The following PLCZ1 variants were observed in gnomAD, a reference collection of about 807,000 sequenced individuals.
PLCZ1 encodes 1-phosphatidylinositol 4,5-bisphosphate phosphodiesterase zeta-1.
Under a neutral mutation model 76.8 loss-of-function variants are expected in PLCZ1, and 64 were observed. The observed-to-expected ratio is 0.83, with a 90% CI of 0.68 to 1.03. PLCZ1 has a LOEUF of 1.03. Among genes scored for constraint, PLCZ1 ranks in the 50% least tolerant of loss-of-function variants. PLCZ1 has a pLI of 0.00. For synonymous variants in PLCZ1, 248 were observed against 230.8 expected (o/e 1.07, Z -0.68); for missense variants, 751 against 713.7 (o/e 1.05, Z -0.60).
Position 18,705,268 on chromosome 12 carries a change from A to G in PLCZ1, c.762T>C (p.Thr254=), listed in dbSNP as rs550433561. 1 of 1,614,126 alleles carries G rather than the reference A, an allele frequency of 6.2e-7. No homozygotes were observed. Among genetic ancestry groups the G allele is most frequent in the South Asian group, 1.1e-5 (1 of 91,082 alleles). ...TGTCTGCCATTACTTCTTGTTGGGC[A>G]GTGGAGCAGTGATTTTCTAAAGAGA... The part of the protein sequence containing the change: ...VVLSLENHCS[T]AQQEVMADNL... The change falls in exon 7 of 15, where the codon ACT becomes ACC. Residue 254 remains threonine, a synonymous_variant. Transcript: ENST00000266505.
In PLCZ1 at chr12:18,719,490, A is replaced by G. The variant is rs777243516; in HGVS notation, c.510T>C (p.His170=). ...ATTGATCAGATACCAAATATGTGTT[A>G]TGTGAAGATGAAATAAAATAATCAT... ...PLNDYFISSS[H]NTYLVSDQLL... The change falls in exon 5 of 15, where the codon CAT becomes CAC. Residue 170 remains histidine (H), a synonymous_variant. Coordinates refer to ENST00000266505, the MANE Select transcript of PLCZ1 (RefSeq NM_033123.4). 6.3e-7 allele frequency: 1 copy of G among 1,588,562 alleles called. No homozygotes were observed. The highest frequency in any genetic ancestry group is 1.2e-5 in the South Asian group (1 of 86,278).
At chr12:18,676,790 A>C in the PLCZ1 span, among the ~76,000 whole-genome samples, 4 of 152,256 alleles carry the variant, frequency 2.6e-5, no homozygotes, top group South Asian at 2.1e-4. Context: ...AAAAACTAGA[A>C]GGTCAGAAGG....
At chr12:18,656,729 T>A in the PLCZ1 span, among the ~76,000 whole-genome samples, 1 of 134,756 alleles carries the variant, frequency 7.4e-6, no homozygotes, top group Non-Finnish European at 1.6e-5. Context: ...AGCATGACCC[T>A]GTCTCAAACA....
At chr12:18,716,447 T>C (rs1286875611) in intron 5 of PLCZ1, among the ~76,000 whole-genome samples, 1 of 152,218 alleles carries the variant, frequency 6.6e-6, no homozygotes, top group African/African-American at 2.4e-5. Flanking sequence ...ACCACTTACA[T>C]GTGGAGGCAC....
At chr12:18,691,979 G>C (rs1954158963) in intron 12 of PLCZ1, among the ~76,000 whole-genome samples, 1 of 152,086 alleles carries the variant, frequency 6.6e-6, no homozygotes, top group African/African-American at 2.4e-5. Flanking sequence ...AGATAAAGTG[G>C]CTAGGTCCTG....
chr12:18,651,191 T>C, the PLCZ1 span, among the ~76,000 whole-genome samples: 1 of 152,036 alleles, frequency 6.6e-6, no homozygotes, highest in South Asian at 2.1e-4. Context: ...GCTTCATCCC[T>C]GGGATCTTTG....
the PLCZ1 span, among the ~76,000 whole-genome samples, chr12:18,658,676 C>T: frequency 0.13 from 19,061 of 151,796 alleles, 1,546 homozygotes; most frequent in East Asian, 0.32. Context: ...TATACATAAC[C>T]GACCTGTAAC....
chr12:18,659,318 A>G, the PLCZ1 span, among the ~76,000 whole-genome samples: 1 of 152,152 alleles, frequency 6.6e-6, no homozygotes, highest in African/African-American at 2.4e-5. Context: ...AAACAAAAGT[A>G]GTCAGACAAA....
At chr12:18,710,620 A>T (rs1483709046) in intron 6 of PLCZ1, among the ~76,000 whole-genome samples, 3 of 152,176 alleles carry the variant, frequency 2.0e-5, no homozygotes, top group African/African-American at 4.8e-5. Flanking sequence ...AAGCAAGAAT[A>T]TCAGAGAAGA....
rs188468327 is a variant in PLCZ1 at position 18,702,439 on chromosome 12, A to G, written c.865-663T>C. ...GGATAATTTCTTTAATTTAACAAGTACATTTAAGTACCGGCTCTGTTATAT... is the reference window on the plus strand; with the variant it reads ...GGATAATTTCTTTAATTTAACAAGTGCATTTAAGTACCGGCTCTGTTATAT... On this transcript the variant is annotated intron_variant, in intron 7 of 14. Coordinates refer to ENST00000266505, the MANE Select transcript of PLCZ1 (RefSeq NM_033123.4). Among the ~76,000 whole-genome samples, 6 of 152,310 alleles carry G rather than the reference A, an allele frequency of 3.9e-5. No individual in the cohort carries two copies. The East Asian group carries it at 9.6e-4, about 24-fold the overall frequency.
At chr12:18,665,779 C>CA in the PLCZ1 span, among the ~76,000 whole-genome samples, 1 of 151,738 alleles carries the variant, frequency 6.6e-6, no homozygotes, top group Non-Finnish European at 1.5e-5. Flanking sequence ...TAGTAAAATA[C>CA]AAAAAATTAG....
chr12:18,679,643 T>C (rs1032902544), downstream of PLCZ1, among the ~76,000 whole-genome samples: 20 of 151,976 alleles, frequency 1.3e-4, no homozygotes, highest in African/African-American at 4.3e-4. Context: ...AGGATTAAGA[T>C]TAATTTTTAT....
intron 12 of PLCZ1, among the ~76,000 whole-genome samples, chr12:18,690,381 G>A (rs1171420889): frequency 6.6e-6 from 1 of 151,976 alleles, no homozygotes; most frequent in Non-Finnish European, 1.5e-5. Context: ...ATGCCACCAT[G>A]CCCAGCTAAG....
chr12:18,717,873 G>A (rs948275099), intron 5 of PLCZ1, among the ~76,000 whole-genome samples: 2 of 152,160 alleles, frequency 1.3e-5, no homozygotes, highest in Non-Finnish European at 2.9e-5. Flanking sequence ...TACGCATTCA[G>A]TGGAAATCGC....
In PLCZ1 at chr12:18,688,233, A is replaced by G. The variant is rs1332050546; in HGVS notation, c.1462-15T>C. The G allele has an allele frequency of 6.3e-7, 1 of 1,596,214 alleles. No individual in the cohort carries two copies. The highest frequency in any genetic ancestry group is 8.5e-7 in the Non-Finnish European group (1 of 1,172,362). On this transcript the variant is annotated splice_polypyrimidine_tract_variant and intron_variant, in intron 12 of 14. Transcript: ENST00000266505. ...CCACTGATGAGCTGCACAAATATAT[A>G]TGAATATAAGAATTTAGCAAGATAT...
At chr12:18,708,234 GTTT>G (rs938253659) in intron 6 of PLCZ1, among the ~76,000 whole-genome samples, 1 of 151,760 alleles carries the variant, frequency 6.6e-6, no homozygotes. Flanking sequence ...ACATTTGAGA[GTTT>G]TTTTTCTAAA....
chr12:18,659,134 A>C, the PLCZ1 span, among the ~76,000 whole-genome samples: 3 of 152,248 alleles, frequency 2.0e-5, no homozygotes, highest in Admixed American at 6.5e-5. Flanking sequence ...GGAGGAAGGT[A>C]AAAAATAAAC....
intron 13 of PLCZ1, 29 bp from the exon 14 acceptor site, chr12:18,684,308 A>G (rs1565644402): frequency 6.4e-7 from 1 of 1,570,886 alleles, no homozygotes; most frequent in Non-Finnish European, 8.7e-7. Flanking sequence ...AGATACAAAG[A>G]ATAATAGATA....
At position 18,719,602 on chromosome 12, in the gene PLCZ1, CCTT is replaced by C. The variant is rs1456837081; in HGVS notation, c.395_397del (p.Glu132del). On this transcript the variant is annotated inframe_deletion, in exon 5 of 15. Coordinates refer to ENST00000266505, the MANE Select transcript of PLCZ1 (RefSeq NM_033123.4). ...ACGTGAATCCATGTATCTTGTAAAA[CCTT>C]CTAATGACATTTGGTGTGCTTTCCT... The C allele has an allele frequency of 6.2e-7, 1 of 1,603,484 alleles. No individual in the cohort carries two copies. Among genetic ancestry groups the C allele is most frequent in the Non-Finnish European group, 8.5e-7 (1 of 1,174,674 alleles).
Sources: gnomAD v4.1 joint callset for allele counts (sites outside exome capture counted in the v4.1 genomes callset) on GRCh38, gnomAD v4.1.1 for gene constraint, MANE v1.5 for transcripts, NCBI Gene and HGNC (gene_info 2026-07-23, HGNC 2026-07-21) for gene names.